The following MYO5B variants were observed in gnomAD, a reference collection of about 807,000 sequenced individuals.
MYO5B encodes the protein unconventional myosin-Vb.
Under a neutral mutation model 229.3 loss-of-function variants are expected in MYO5B, and 143 were observed. The ratio of observed to expected loss-of-function variants is 0.62; its 90% CI spans 0.54 to 0.72. MYO5B has a LOEUF of 0.72. MYO5B is among the 30% of genes least tolerant of loss of function. MYO5B has a pLI of 0.00. For missense variants in MYO5B, 2,321 were observed against 2,331.0 expected, an observed-to-expected ratio of 1.00 and a Z score of 0.09; for synonymous variants, 918 against 885.2, an observed-to-expected ratio of 1.04 and a Z score of -0.66.
At chr18:49,926,606 T>C (rs1368968685) in intron 17 of MYO5B, among the ~76,000 whole-genome samples, 2 of 152,202 alleles carry the variant, frequency 1.3e-5, no homozygotes, top group Non-Finnish European at 2.9e-5. Context: ...TTCACCCCTA[T>C]TTCAGGCAAG....
At chr18:50,150,404 T>C (rs2144302250) in intron 1 of MYO5B, among the ~76,000 whole-genome samples, 1 of 146,502 alleles carries the variant, frequency 6.8e-6, no homozygotes, top group Admixed American at 6.8e-5. Context: ...TGCGGCACTA[T>C]TCACAATAGC....
At chr18:49,960,836 CCTA>C (rs1263998025) in intron 12 of MYO5B, among the ~76,000 whole-genome samples, 1 of 152,202 alleles carries the variant, frequency 6.6e-6, no homozygotes, top group African/African-American at 2.4e-5. Context: ...GGACAAACTG[CCTA>C]CTCCATGTGC....
intron 17 of MYO5B, among the ~76,000 whole-genome samples, chr18:49,921,240 C>G (rs1346870637): frequency 6.8e-6 from 1 of 146,284 alleles, no homozygotes; most frequent in Non-Finnish European, 1.5e-5. Context: ...TGGAGGAGAA[C>G]TCAAGTTCAA....
chr18:49,931,664 G>A (rs2025193709), intron 16 of MYO5B, among the ~76,000 whole-genome samples: 2 of 152,162 alleles, frequency 1.3e-5, no homozygotes, highest in African/African-American at 4.8e-5. Context: ...CAGGATCCAA[G>A]GGGGTCTTCA....
At chr18:50,017,592 G>A (rs56398311) in intron 4 of MYO5B, among the ~76,000 whole-genome samples, 23,193 of 152,086 alleles carry the variant, frequency 0.15, 1,853 homozygotes, top group East Asian at 0.22. Context: ...TACGAATAAC[G>A]CTACTATAAA....
intron 5 of MYO5B, among the ~76,000 whole-genome samples, chr18:49,993,787 C>G (rs2025957628): frequency 6.6e-6 from 1 of 152,148 alleles, no homozygotes; most frequent in South Asian, 2.1e-4. Context: ...GCTGTCAATT[C>G]TCCACTCAAT....
At chr18:49,961,048 G>T (rs936611251) in intron 12 of MYO5B, among the ~76,000 whole-genome samples, 2 of 152,224 alleles carry the variant, frequency 1.3e-5, no homozygotes, top group Non-Finnish European at 2.9e-5. Flanking sequence ...TCTCAAAAGA[G>T]ACTGGGGAAA....
At chr18:49,842,179 G>A (rs1335902208) in intron 34 of MYO5B, among the ~76,000 whole-genome samples, 1 of 152,158 alleles carries the variant, frequency 6.6e-6, no homozygotes, top group African/African-American at 2.4e-5. Flanking sequence ...ATTAGGGAAG[G>A]CTTTCCTAAG....
At chr18:50,190,565 G>A (rs1304922893) in intron 1 of MYO5B, among the ~76,000 whole-genome samples, 1 of 152,178 alleles carries the variant, frequency 6.6e-6, no homozygotes, top group Non-Finnish European at 1.5e-5. Context: ...GTGAGGTGTT[G>A]GGTCTTCTGA....
chr18:50,129,332 T>G (rs1441495649), intron 1 of MYO5B, among the ~76,000 whole-genome samples: 1 of 152,216 alleles, frequency 6.6e-6, no homozygotes, highest in African/African-American at 2.4e-5. Flanking sequence ...TCAAGGGAAC[T>G]TCAACAGACA....
At position 49,954,418 on chromosome 18, in the gene MYO5B, G is replaced by A; in HGVS notation, c.1563C>T (p.Asp521=). Residue 521 remains aspartate (D), a synonymous_variant, in exon 13 of 40, where the codon GAC becomes GAT. Transcript: ENST00000285039. ...CATAGAGCTTCTGAGCCCAGTTCTG[G>A]TCAGTTCCTTTGGGGACCTGCAGAA... The part of the protein sequence containing the change: ...DEECKVPKGT[D]QNWAQKLYDR... 1 of 1,613,992 alleles carries A rather than the reference G, an allele frequency of 6.2e-7. No homozygotes were observed. The highest frequency in any genetic ancestry group is 1.3e-5 in the African/African-American group (1 of 75,010).
At chr18:50,114,053 T>C (rs10853590) in intron 1 of MYO5B, among the ~76,000 whole-genome samples, 126,985 of 152,144 alleles carry the variant, frequency 0.83, 53,181 homozygotes, top group Admixed American at 0.88. Context: ...GCTTTGTGGT[T>C]CTTTGCCTCT....
chr18:50,038,549 C>A (rs1253981794), intron 3 of MYO5B, among the ~76,000 whole-genome samples: 1 of 152,170 alleles, frequency 6.6e-6, no homozygotes, highest in African/African-American at 2.4e-5. Context: ...TATTAGAGTT[C>A]TATAAGATTC....
intron 17 of MYO5B, among the ~76,000 whole-genome samples, chr18:49,919,527 G>T (rs1426677645): frequency 6.6e-6 from 1 of 152,144 alleles, no homozygotes; most frequent in Non-Finnish European, 1.5e-5. Context: ...GAGATCAACA[G>T]ACATTTCTCC....
In MYO5B at chr18:49,984,425, G is replaced by C. The variant is rs7235628; in HGVS notation, c.946+293C>G. 8.0e-3 allele frequency among the ~76,000 whole-genome samples: 1,220 copies of C among 152,310 alleles called. 13 individuals are homozygous for C. Among genetic ancestry groups the C allele is most frequent in the African/African-American group, 0.028 (1,155 of 41,568 alleles). On this transcript the variant is annotated intron_variant, in intron 8 of 39. Coordinates refer to ENST00000285039, the MANE Select transcript of MYO5B (RefSeq NM_001080467.3). ...GAGAAGACGTGGCTACACTTGCTTT[G>C]CCTCCGTTGGTTCCAACAGCCTGCA...
chr18:49,974,784 C>CACACACAG (rs1568054718), intron 9 of MYO5B, among the ~76,000 whole-genome samples, 169 bp from the exon 10 acceptor site: 1 of 88,226 alleles, frequency 1.1e-5, no homozygotes, highest in African/African-American at 3.4e-5. Context: ...CTCTCTCACA[C>CACACACAG]ACACACACAC....
At chr18:49,852,121 C>T (rs1048643737) in intron 31 of MYO5B, among the ~76,000 whole-genome samples, 2 of 152,238 alleles carry the variant, frequency 1.3e-5, no homozygotes, top group African/African-American at 4.8e-5. Context: ...TAAGGTAGGA[C>T]TGACTACCCA....
chr18:49,969,041 G>C (rs1182503896), intron 10 of MYO5B, among the ~76,000 whole-genome samples: 1 of 152,156 alleles, frequency 6.6e-6, no homozygotes, highest in Non-Finnish European at 1.5e-5. Flanking sequence ...TAGGAGGCTG[G>C]GAGACTCCAG....
chr18:49,912,140 C>A lies in MYO5B; in HGVS notation c.2124G>T (p.Arg708=). The A allele has an allele frequency of 6.2e-7, 1 of 1,613,984 alleles. No individual in the cohort carries two copies. The highest frequency in any genetic ancestry group is 1.1e-5 in the South Asian group (1 of 91,066). ...CGAGCTCTCTCTTCTTGACCAGCAC[C>A]CGATACCGGTTGAAAAAGTCATGGT... The part of the protein sequence containing the change: ...WAYHDFFNRY[R]VLVKKRELAN... Residue 708 remains arginine (R), a synonymous_variant, in exon 18 of 40, where the codon CGG becomes CGT. Transcript: ENST00000285039.
Sources: gnomAD v4.1 joint callset for allele counts (sites outside exome capture counted in the v4.1 genomes callset) on GRCh38, gnomAD v4.1.1 for gene constraint, MANE v1.5 for transcripts, NCBI Gene and HGNC (gene_info 2026-07-23, HGNC 2026-07-21) for gene names.